The following MTUS2 variants were observed in gnomAD, a reference collection of about 807,000 sequenced individuals.
The protein encoded by MTUS2 is microtubule associated scaffold protein 2.
Under a neutral mutation model 114.1 loss-of-function variants are expected in MTUS2, and 40 were observed. The ratio of observed to expected loss-of-function variants is 0.35; its 90% CI spans 0.27 to 0.46. The LOEUF (loss-of-function observed/expected upper bound fraction) is 0.46. Among genes scored for constraint, MTUS2 ranks in the 20% least tolerant of loss-of-function variants. MTUS2 has a pLI of 1.00. For missense variants in MTUS2, 1,679 were observed against 1,705.4 expected (o/e 0.98, Z 0.27); for synonymous variants, 688 against 672.0 (o/e 1.02, Z -0.37).
In MTUS2 at chr13:29,034,107, T is replaced by C. The variant is rs1348623239; in HGVS notation, c.2428T>C (p.Tyr810His). The C allele has an allele frequency of 2.5e-6, 4 of 1,614,044 alleles. No individual in the cohort carries two copies. Among genetic ancestry groups the C allele is most frequent in the Non-Finnish European group, 3.4e-6 (4 of 1,179,888 alleles). Residue 810 changes from tyrosine (Y) to histidine (H), a missense_variant, in exon 4 of 16, where the codon TAC becomes CAC. By Grantham distance (83) the Tyr-to-His change is moderately conservative. Around this residue, in one of 3 missense-constraint regions of MTUS2, gnomAD observed 822 missense variants for 899.7 expected, o/e 0.91. Coordinates refer to ENST00000612955, the MANE Select transcript of MTUS2 (RefSeq NM_001033602.4). ...PGPITTATSL[Y>H]SSDPSADLKK... Reference sequence around the variant, plus strand: ...ACCCATAACAACAGCCACCAGTCTCTACAGTTCCGATCCTTCAGGTAACCG... The same window carrying C: ...ACCCATAACAACAGCCACCAGTCTCCACAGTTCCGATCCTTCAGGTAACCG...
At chr13:28,976,094 C>T (rs2146137) in intron 2 of MTUS2, among the ~76,000 whole-genome samples, 8,726 of 150,640 alleles carry the variant, frequency 0.058, 825 homozygotes, top group African/African-American at 0.2. Flanking sequence ...GTCCCAGCTA[C>T]TCAGGAGGCT....
chr13:29,158,705 T>C (rs1892974823), intron 5 of MTUS2, among the ~76,000 whole-genome samples: 1 of 152,212 alleles, frequency 6.6e-6, no homozygotes, highest in Admixed American at 6.5e-5. Flanking sequence ...TCCTTCTAGC[T>C]GGATGCCTCT....
At chr13:29,392,236 G>A (rs1286453111) in intron 8 of MTUS2, among the ~76,000 whole-genome samples, 5 of 149,068 alleles carry the variant, frequency 3.4e-5, no homozygotes, top group African/African-American at 7.4e-5. Context: ...CCCTCTTCCC[G>A]CAGCCCCTGG....
rs888007920 is a variant in MTUS2, at chr13:29,220,170, GT to G, written c.2645-61525del. 3.3e-5 allele frequency among the ~76,000 whole-genome samples: 5 copies of G among 151,256 alleles called. No homozygotes were observed. The East Asian group carries it at 7.8e-4, about 24-fold the overall frequency. On this transcript the variant is annotated intron_variant, in intron 5 of 15. Coordinates refer to ENST00000612955, the MANE Select transcript of MTUS2 (RefSeq NM_001033602.4). Reference sequence around the variant, plus strand: ...GCCACCATGACCAGCTGACTTTTTTGTTTTTTTTTAAGTAGAGATGGTGTTT... The same window carrying G: ...GCCACCATGACCAGCTGACTTTTTTGTTTTTTTTAAGTAGAGATGGTGTTT...
At chr13:28,999,199 A>G (rs917005240) in intron 2 of MTUS2, among the ~76,000 whole-genome samples, 50 of 152,218 alleles carry the variant, frequency 3.3e-4, no homozygotes, top group Non-Finnish European at 5.4e-4. Flanking sequence ...TGGCTGCAGA[A>G]CAGTGGATAT....
intron 6 of MTUS2, among the ~76,000 whole-genome samples, chr13:29,298,821 C>G (rs1209566525): frequency 6.6e-6 from 1 of 152,154 alleles, no homozygotes; most frequent in Non-Finnish European, 1.5e-5. Context: ...CTCATAAGCT[C>G]TTGTTCGCTT....
At chr13:28,883,801 G>A (rs1400207300) in intron 2 of MTUS2, among the ~76,000 whole-genome samples, 1 of 152,084 alleles carries the variant, frequency 6.6e-6, no homozygotes, top group African/African-American at 2.4e-5. Flanking sequence ...TAATCATTAG[G>A]AAAATGCAAA....
intron 8 of MTUS2, among the ~76,000 whole-genome samples, chr13:29,384,386 C>A (rs1872490394): frequency 6.6e-6 from 1 of 152,210 alleles, no homozygotes; most frequent in Admixed American, 6.5e-5. Context: ...TGACCTGTTA[C>A]ATTCTGTTCA....
chr13:29,325,245 C>T (rs1385019160), intron 7 of MTUS2, among the ~76,000 whole-genome samples: 1 of 152,098 alleles, frequency 6.6e-6, no homozygotes. Flanking sequence ...CACTTGAGGT[C>T]AGGAGTTCCA....
At chr13:28,948,274 A>G (rs1001108497) in intron 2 of MTUS2, among the ~76,000 whole-genome samples, 3 of 152,094 alleles carry the variant, frequency 2.0e-5, no homozygotes, top group African/African-American at 7.2e-5. Context: ...CAGGTGGTCG[A>G]TAAATGTGTT....
intron 6 of MTUS2, among the ~76,000 whole-genome samples, chr13:29,308,232 T>C (rs1047133615): frequency 6.6e-6 from 1 of 152,144 alleles, no homozygotes; most frequent in African/African-American, 2.4e-5. Flanking sequence ...AACAGAATCA[T>C]ATACTCAGAA....
At chr13:29,140,335 G>T (rs1265756158) in intron 5 of MTUS2, among the ~76,000 whole-genome samples, 1 of 152,202 alleles carries the variant, frequency 6.6e-6, no homozygotes, top group Non-Finnish European at 1.5e-5. Context: ...TGCTCCTGAA[G>T]AATCTCAGGG....
At chr13:29,096,223 CAT>C (rs1381034519) in intron 4 of MTUS2, among the ~76,000 whole-genome samples, 3 of 152,174 alleles carry the variant, frequency 2.0e-5, no homozygotes, top group African/African-American at 7.2e-5. Context: ...CCACAGAAGA[CAT>C]AGCCTTGGGC....
At chr13:29,347,877 A>C (rs574821821) in intron 7 of MTUS2, among the ~76,000 whole-genome samples, 21 of 150,766 alleles carry the variant, frequency 1.4e-4, no homozygotes, top group Non-Finnish European at 2.7e-4. Flanking sequence ...ACTTACATTT[A>C]CCAGTTTATT....
intron 4 of MTUS2, among the ~76,000 whole-genome samples, chr13:29,090,452 G>A (rs771579210): frequency 1.3e-5 from 2 of 152,162 alleles, no homozygotes; most frequent in Non-Finnish European, 2.9e-5. Flanking sequence ...GTAGTCAGGG[G>A]GCTGCAGGCG....
At position 28,914,557 on chromosome 13, in the gene MTUS2, A is replaced by G. The variant is rs76160000; in HGVS notation, c.-243+74707A>G. On this transcript the variant is annotated intron_variant, in intron 2 of 15. Transcript: ENST00000612955. Reference sequence around the variant, plus strand: ...AAATGTGGCAATGATAAGGATACATATTCTGTTGTTTTTGGGTGGAGAGTT... The same window carrying G: ...AAATGTGGCAATGATAAGGATACATGTTCTGTTGTTTTTGGGTGGAGAGTT... 4.5e-3 allele frequency among the ~76,000 whole-genome samples: 690 copies of G among 152,148 alleles called. 4 individuals are homozygous for G. Among genetic ancestry groups the G allele is most frequent in the African/African-American group, 0.016 (659 of 41,538 alleles).
At chr13:29,430,440 G>C (rs1326532360) in intron 8 of MTUS2, among the ~76,000 whole-genome samples, 1 of 152,158 alleles carries the variant, frequency 6.6e-6, no homozygotes, top group Non-Finnish European at 1.5e-5. Flanking sequence ...CTCTTTAGCA[G>C]TATGATGTTT....
chr13:29,405,207 G>A (rs1874662677), intron 8 of MTUS2, among the ~76,000 whole-genome samples: 1 of 152,134 alleles, frequency 6.6e-6, no homozygotes, highest in South Asian at 2.1e-4. Context: ...TGGAGAATTT[G>A]CGACTAATGA....
chr13:28,948,728 T>G (rs1882660403), intron 2 of MTUS2, among the ~76,000 whole-genome samples: 1 of 152,176 alleles, frequency 6.6e-6, no homozygotes, highest in Non-Finnish European at 1.5e-5. Context: ...TCGCATTGCT[T>G]GTTTCACAGG....
Sources: gnomAD v4.1 joint callset for allele counts (sites outside exome capture counted in the v4.1 genomes callset) on GRCh38, gnomAD v4.1.1 for gene constraint, gnomAD v4.1.1 regional missense constraint, MANE v1.5 for transcripts, NCBI Gene and HGNC (gene_info 2026-07-23, HGNC 2026-07-21) for gene names.